Variants in DUSP14 observed in about 807,000 individuals in gnomAD.
The protein encoded by DUSP14 is dual specificity protein phosphatase 14.
In DUSP14, 5 loss-of-function variants were observed where a neutral mutation model predicts 13.2. That is an observed-to-expected ratio of 0.38 (90% CI 0.20 to 0.80). The LOEUF is 0.80. Ranked by LOEUF, DUSP14 falls within the 30% of genes least tolerant of loss-of-function variation. The probability of loss-of-function intolerance (pLI) is 0.44; values close to 1 mark genes in which losing one functional copy is unlikely to be tolerated. For synonymous variants in DUSP14, 91 were observed against 103.4 expected (o/e 0.88, Z 0.73); for missense variants, 185 against 264.0 (o/e 0.70, Z 2.07).
At position 37,511,585 on chromosome 17, in the gene DUSP14, C is replaced by CTTTTTTTTTTTTTTTTTTTTTTT. The variant is rs533256343; in HGVS notation, c.-92-578_-92-577insTTTTTTTTTTTTTTTTTTTTTTT. Among the ~76,000 whole-genome samples, 14 of 87,310 alleles carry CTTTTTTTTTTTTTTTTTTTTTTT rather than the reference C, an allele frequency of 1.6e-4. 3 individuals carry two copies. Among genetic ancestry groups the CTTTTTTTTTTTTTTTTTTTTTTT allele is most frequent in the African/African-American group, 6.8e-4 (13 of 19,086 alleles). The allele number at this position is 87,310 out of a possible 152,430, so 57.3% of individuals were successfully genotyped here. On this transcript the variant is annotated intron_variant, in intron 2 of 2. Transcript: ENST00000617516. ...CATGAGCTACCTCACCTGGCCTTTCCTTTTTTTTTTTTTTTTTTAGAAGCT... is the reference window on the plus strand; with the variant it reads ...CATGAGCTACCTCACCTGGCCTTTCCTTTTTTTTTTTTTTTTTTTTTTTTTTTTTTTTTTTTTTTTTAGAAGCT...
intron 1 of DUSP14, among the ~76,000 whole-genome samples, chr17:37,499,137 G>T (rs1046860889): frequency 2.0e-5 from 3 of 152,092 alleles, no homozygotes; most frequent in Non-Finnish European, 2.9e-5. Context: ...GTCAGTGCAG[G>T]CAGGGGAAAT....
Position 37,513,088 on chromosome 17 carries a change from G to C in DUSP14, c.*219G>C. On this transcript the variant is annotated 3_prime_UTR_variant, in exon 3 of 3. Coordinates refer to ENST00000617516, the MANE Select transcript of DUSP14 (RefSeq NM_007026.4). ...TTTTTAAAATTAACATTTTGGAATA[G>C]TGTTTATGGAAATCTTTAGCTTTTA... The C allele has an allele frequency of 1.8e-6, 1 of 546,170 alleles. No homozygotes were observed. 33.8% of individuals were successfully genotyped at this position (546,170 alleles called of 1,614,324 possible).
Position 37,512,015 on chromosome 17 carries a change from C to T in DUSP14, c.-92-166C>T, listed in dbSNP as rs1314862024. 2.2e-5 allele frequency among the ~76,000 whole-genome samples: 3 copies of T among 137,692 alleles called. No individual in the cohort carries two copies. Among genetic ancestry groups the T allele is most frequent in the Non-Finnish European group, 4.6e-5 (3 of 65,932 alleles). 90.3% of individuals were successfully genotyped at this position (137,692 alleles called of 152,430 possible). On this transcript the variant is annotated intron_variant, in intron 2 of 2. Coordinates refer to ENST00000617516, the MANE Select transcript of DUSP14 (RefSeq NM_007026.4). This position sits in a 1 kb window ranked among gnomAD's most constrained non-coding sequence, Gnocchi z 4.8. ...TTTCACATGTTTGTGTCTTAGGTGA[C>T]TTTTCCCAACTGTTAATTGATAGAA...
chr17:37,499,245 C>T (rs1050778256), intron 1 of DUSP14, among the ~76,000 whole-genome samples: 4 of 152,142 alleles, frequency 2.6e-5, no homozygotes, highest in African/African-American at 7.2e-5. Flanking sequence ...GCCCTTGACA[C>T]GTGGGGATTA....
intron 1 of DUSP14, among the ~76,000 whole-genome samples, chr17:37,500,261 A>G (rs959840813): frequency 2.0e-5 from 3 of 152,248 alleles, no homozygotes; most frequent in African/African-American, 7.2e-5. Flanking sequence ...GGCCAGGTAT[A>G]TGGTAAGGAA....
At chr17:37,506,359 C>T (rs1488492159) in intron 1 of DUSP14, among the ~76,000 whole-genome samples, 2 of 150,272 alleles carry the variant, frequency 1.3e-5, no homozygotes, top group Non-Finnish European at 3.0e-5. Flanking sequence ...GTCTTTCACT[C>T]TACCCTACCC....
At chr17:37,494,350 T>C (rs2054049895) in intron 1 of DUSP14, among the ~76,000 whole-genome samples, 1 of 152,208 alleles carries the variant, frequency 6.6e-6, no homozygotes, top group Non-Finnish European at 1.5e-5. Context: ...AAAGTAGAAG[T>C]AGCTTAGAGC....
In DUSP14 at chr17:37,509,126, TATACACACACACACACACACAC is replaced by T. The variant is rs2095110218; in HGVS notation, c.-180-1549_-180-1528del. On this transcript the variant is annotated intron_variant, in intron 1 of 2. Transcript: ENST00000617516. ...ACCCATATATATATATATATATATA[TATACACACACACACACACACAC>T]ACACACACACACACACACACTCTAT... Among the ~76,000 whole-genome samples, 4 of 44,536 alleles carry T rather than the reference TATACACACACACACACACACAC, an allele frequency of 9.0e-5. 1 individual carries two copies. The highest frequency in any genetic ancestry group is 1.2e-4 in the Non-Finnish European group (3 of 25,800). The allele number at this position is 44,536 out of a possible 152,430, so 29.2% of individuals were successfully genotyped here. A position where few individuals can be genotyped will look rare whatever the true frequency, so the allele number is the denominator to read the frequency against.
chr17:37,509,139 A>ATATATATATATATATATG (rs1568204473), intron 1 of DUSP14, among the ~76,000 whole-genome samples: 1 of 63,100 alleles, frequency 1.6e-5, no homozygotes, highest in Admixed American at 2.3e-4. Context: ...ACACACACAC[A>ATATATATATATATATATG]CACACACACA....
chr17:37,511,909 C>T (rs1284209318), intron 2 of DUSP14, among the ~76,000 whole-genome samples: 1 of 140,856 alleles, frequency 7.1e-6, no homozygotes, highest in Non-Finnish European at 1.5e-5. Context: ...GTATGAGCCA[C>T]CATGCCCAGC....
At chr17:37,509,133 ACACACAC>A (rs2054159393) in intron 1 of DUSP14, among the ~76,000 whole-genome samples, 1 of 35,314 alleles carries the variant, frequency 2.8e-5, no homozygotes, top group Non-Finnish European at 4.9e-5. Flanking sequence ...ATATATACAC[ACACACAC>A]ACACACACAC....
At position 37,491,725 on chromosome 17, in the gene DUSP14, C is replaced by CT. The variant is rs766672834; in HGVS notation, c.-181+1770dup. 9 of 152,234 alleles carry CT rather than the reference C, an allele frequency of 5.9e-5. No individual in the cohort carries two copies. In the East Asian group the frequency reaches 1.5e-3, roughly 26 times the overall value. 9.4% of individuals were successfully genotyped at this position (152,234 alleles called of 1,614,324 possible). ...TGTAAGTCCAGGAAATCCTTTAATACTTTAACATTTTTAAAAAGTGGGCTT... is the reference window on the plus strand; with the variant it reads ...TGTAAGTCCAGGAAATCCTTTAATACTTTTAACATTTTTAAAAAGTGGGCTT... On this transcript the variant is annotated intron_variant, in intron 1 of 2. Transcript: ENST00000617516.
At chr17:37,509,297 A>ATATAGTGTGT (rs375701405) in intron 1 of DUSP14, among the ~76,000 whole-genome samples, 1 of 26,794 alleles carries the variant, frequency 3.7e-5, no homozygotes, top group Non-Finnish European at 7.0e-5. Context: ...ATATATATAT[A>ATATAGTGTGT]GTGTGTGTGT....
Position 37,498,314 on chromosome 17 carries a change from C to CTTTTTTTTTTTT in DUSP14, c.-181+8375_-181+8386dup, listed in dbSNP as rs765033929. 1.6e-4 allele frequency among the ~76,000 whole-genome samples: 11 copies of CTTTTTTTTTTTT among 70,578 alleles called. 1 individual carries two copies. The highest frequency in any genetic ancestry group is 6.5e-4 in the African/African-American group (11 of 16,952). 46.3% of individuals were successfully genotyped at this position (70,578 alleles called of 152,430 possible). A position where few individuals can be genotyped will look rare whatever the true frequency, so the allele number is the denominator to read the frequency against. On this transcript the variant is annotated intron_variant, in intron 1 of 2. Coordinates refer to ENST00000617516, the MANE Select transcript of DUSP14 (RefSeq NM_007026.4). Reference sequence around the variant, plus strand: ...ACTTGTTTTGTGTACTAGATTGTATCTTTTTTTTTTTTTTTTTTTTTTTTT... The same window carrying CTTTTTTTTTTTT: ...ACTTGTTTTGTGTACTAGATTGTATCTTTTTTTTTTTTTTTTTTTTTTTTTTTTTTTTTTTTT...
At chr17:37,499,133 G>T (rs868372400) in intron 1 of DUSP14, among the ~76,000 whole-genome samples, 3 of 152,124 alleles carry the variant, frequency 2.0e-5, no homozygotes, top group Admixed American at 6.5e-5. Flanking sequence ...TACAGTCAGT[G>T]CAGGCAGGGG....
At position 37,512,726 on chromosome 17, in the gene DUSP14, G is replaced by A. The variant is rs751469260; in HGVS notation, c.454G>A (p.Val152Ile). The A allele has an allele frequency of 5.0e-6, 8 of 1,614,024 alleles. No individual in the cohort carries two copies. Among genetic ancestry groups the A allele is most frequent in the South Asian group, 1.1e-5 (1 of 91,088 alleles). Residue 152 changes from valine to isoleucine, a missense_variant, in exon 3 of 3, where the codon GTA becomes ATA. Coordinates refer to ENST00000617516, the MANE Select transcript of DUSP14 (RefSeq NM_007026.4). This position sits in a 1 kb window ranked among gnomAD's most constrained non-coding sequence, Gnocchi z 4.8. ...KARRPVIRPN[V>I]GFWRQLIDYE... ...CCGGCGACCTGTCATCAGGCCCAAC[G>A]TAGGCTTCTGGAGGCAACTGATAGA...
chr17:37,505,657 T>TTA (rs2054133140), intron 1 of DUSP14, among the ~76,000 whole-genome samples: 1 of 116,194 alleles, frequency 8.6e-6, no homozygotes, highest in Non-Finnish European at 1.8e-5. Flanking sequence ...TTTTTTTTTT[T>TTA]AAAGAAAAGT....
intron 1 of DUSP14, among the ~76,000 whole-genome samples, chr17:37,499,032 T>C (rs780606391): frequency 6.6e-5 from 10 of 152,206 alleles, no homozygotes; most frequent in Non-Finnish European, 1.0e-4. Flanking sequence ...CTCACGCTGC[T>C]ATGAAGAACT....
At position 37,512,322 on chromosome 17, in the gene DUSP14, G is replaced by C. The variant is rs368619264; in HGVS notation, c.50G>C (p.Arg17Pro). ...CTACCAAGGACTCTCATGGCCCCTC[G>C]GATGATTTCCGAGGGAGACATAGGA... ...STLPRTLMAP[R>P]MISEGDIGGI... is the part of the protein sequence containing the mutation. The change falls in exon 3 of 3, where the codon CGG becomes CCG. Residue 17 changes from arginine (R) to proline (P), a missense_variant. Coordinates refer to ENST00000617516, the MANE Select transcript of DUSP14 (RefSeq NM_007026.4). This position sits in a 1 kb window ranked among gnomAD's most constrained non-coding sequence, Gnocchi z 4.8. 2 of 1,613,658 alleles carry C rather than the reference G, an allele frequency of 1.2e-6. No individual in the cohort carries two copies. The highest frequency in any genetic ancestry group is 1.7e-6 in the Non-Finnish European group (2 of 1,179,902).
Sources: allele counts gnomAD v4.1 joint callset (sites outside exome capture counted in the v4.1 genomes callset), GRCh38; gene constraint gnomAD v4.1.1; non-coding constraint Gnocchi (gnomAD v3.1); transcripts MANE v1.5; gene names NCBI Gene and HGNC (gene_info 2026-07-23, HGNC 2026-07-21).